MICAL2: variants seen among roughly 807,000 people sequenced by gnomAD.
MICAL2 encodes [F-actin]-monooxygenase MICAL2.
MICAL2 carries 77 observed loss-of-function variants against 127.3 expected under a neutral mutation model. That is an observed-to-expected ratio of 0.60 (90% CI 0.50 to 0.73). MICAL2 has a LOEUF of 0.73. MICAL2 is among the 30% of genes least tolerant of loss of function. The probability of loss-of-function intolerance (pLI) is 0.00; values close to 1 mark genes in which losing one functional copy is unlikely to be tolerated. For synonymous variants in MICAL2, 570 were observed against 551.1 expected (o/e 1.03, Z -0.48); for missense variants, 1,351 against 1,434.4 (o/e 0.94, Z 0.94).
Position 12,259,865 on chromosome 11 carries a change from C to T in MICAL2, c.3302C>T (p.Ala1101Val). 6.2e-7 allele frequency: 1 copy of T among 1,610,124 alleles called. No individual in the cohort carries two copies. Among genetic ancestry groups the T allele is most frequent in the Non-Finnish European group, 8.5e-7 (1 of 1,177,366 alleles). ...CCCACCGAAAGTTCTTGCGCAGTGG[C>T]CGCCATTGGCACCCTGGAAGGCAGC... ...DTPTESSCAVAAIGTLEGSPP... is the reference protein window; with the variant it reads ...DTPTESSCAVVAIGTLEGSPP... Residue 1101 changes from alanine to valine, a missense_variant, in exon 26 of 28, where the codon GCC becomes GTC. Around this residue, in one of 2 missense-constraint regions of MICAL2, gnomAD observed 752 missense variants for 719.4 expected, o/e 1.05. Coordinates refer to ENST00000683283, the MANE Select transcript of MICAL2 (RefSeq NM_001282663.2).
intron 3 of MICAL2, among the ~76,000 whole-genome samples, chr11:12,189,175 T>A (rs186361450): frequency 1.8e-3 from 280 of 152,312 alleles, no homozygotes; most frequent in Non-Finnish European, 2.7e-3. Flanking sequence ...ACCCCTCCTT[T>A]ACATTCCTGC....
At chr11:12,236,013 C>A (rs547823680) in intron 15 of MICAL2, among the ~76,000 whole-genome samples, 164 bp from the exon 16 acceptor site, 7 of 152,346 alleles carry the variant, frequency 4.6e-5, no homozygotes, top group African/African-American at 1.7e-4. Context: ...TGTCACAGTG[C>A]GGAGTCATTT....
At chr11:12,236,372 C>G (rs1859058565) in intron 16 of MICAL2, 127 bp downstream of exon 16, 1 of 822,930 alleles carries the variant, frequency 1.2e-6, no homozygotes, top group Admixed American at 2.2e-5. Context: ...GGGTTCCAAG[C>G]TTGGCGTGAT....
At chr11:12,241,204 G>A (rs771596667) in intron 18 of MICAL2, 42 bp downstream of exon 18, 4 of 1,591,812 alleles carry the variant, frequency 2.5e-6, no homozygotes, top group East Asian at 2.2e-5. Flanking sequence ...TGAAGCCAGA[G>A]GGGACTTTGA....
chr11:12,135,789 G>C (rs887715620), intron 1 of MICAL2, among the ~76,000 whole-genome samples: 2 of 152,148 alleles, frequency 1.3e-5, no homozygotes, highest in Admixed American at 6.5e-5. Context: ...CTCAGCACCT[G>C]AGTCTTTGTC....
At chr11:12,294,309 AG>A, downstream of MICAL2, 1 of 1,614,210 alleles carries the variant, frequency 6.2e-7, no homozygotes, top group Non-Finnish European at 8.5e-7. Context: ...GGCGGGAAGA[AG>A]GCCTGGGCCA....
chr11:12,321,961 A>T (rs1223040053), intron 30 of MICAL2, among the ~76,000 whole-genome samples: 1 of 152,010 alleles, frequency 6.6e-6, no homozygotes, highest in Non-Finnish European at 1.5e-5. Flanking sequence ...GGCACAAGGA[A>T]AGGCAGTATA....
At chr11:12,147,020 T>G in intron 2 of MICAL2, among the ~76,000 whole-genome samples, 2 of 150,062 alleles carry the variant, frequency 1.3e-5, no homozygotes, top group African/African-American at 2.5e-5. Flanking sequence ...TGAGAACACT[T>G]GGACACAGGA....
chr11:12,254,160 C>A (rs554786077), intron 22 of MICAL2: 1 of 152,324 alleles, frequency 6.6e-6, no homozygotes, highest in East Asian at 1.9e-4. Context: ...GCCTCAGGAA[C>A]CAGGGGGCAG....
intron 31 of MICAL2, among the ~76,000 whole-genome samples, chr11:12,324,681 C>T (rs777108721): frequency 1.3e-5 from 2 of 152,318 alleles, no homozygotes; most frequent in African/African-American, 4.8e-5. Flanking sequence ...TTAGGATACA[C>T]GGACTTAGAA....
intron 26 of MICAL2, chr11:12,260,117 C>G: frequency 6.5e-7 from 1 of 1,535,274 alleles, no homozygotes; most frequent in African/African-American, 1.4e-5. Flanking sequence ...TCTGAGGGCT[C>G]CCTCGAGAGC....
chr11:12,208,832 G>GT (rs1855065932), intron 5 of MICAL2, among the ~76,000 whole-genome samples: 1 of 152,170 alleles, frequency 6.6e-6, no homozygotes, highest in African/African-American at 2.4e-5. Flanking sequence ...AGACCTTGTG[G>GT]TTTCCTGCTT....
At chr11:12,113,107 A>T (rs1849729490) in intron 1 of MICAL2, among the ~76,000 whole-genome samples, 4 of 152,180 alleles carry the variant, frequency 2.6e-5, no homozygotes, top group Admixed American at 2.0e-4. Flanking sequence ...GAGGGCTAAC[A>T]GTCTCTATTC....
At chr11:12,143,610 G>A (rs1165897750) in intron 2 of MICAL2, among the ~76,000 whole-genome samples, 4 of 152,124 alleles carry the variant, frequency 2.6e-5, no homozygotes, top group Non-Finnish European at 5.9e-5. Flanking sequence ...GGGGTGGGAC[G>A]GGCCACACCA....
chr11:12,223,317 GCAGGCAC>G (rs1400071988), intron 11 of MICAL2, 87 bp from the exon 12 acceptor site: 1 of 1,063,520 alleles, frequency 9.4e-7, no homozygotes, highest in African/African-American at 1.6e-5. Flanking sequence ...GAAAATGGTG[GCAGGCAC>G]TGAATTGGGG....
At chr11:12,282,302 T>C (rs1863781071) in intron 2 of MICAL2, among the ~76,000 whole-genome samples, 1 of 152,062 alleles carries the variant, frequency 6.6e-6, no homozygotes, top group African/African-American at 2.4e-5. Context: ...AACTGAGTAC[T>C]CTCCTGTGCC....
rs371289975 is a variant in MICAL2 at position 12,333,524 on chromosome 11, C to T, written c.5515+6258C>T. Among the ~76,000 whole-genome samples the T allele has an allele frequency of 4.6e-5, 7 of 152,142 alleles. No individual in the cohort carries two copies. In the East Asian group the frequency reaches 7.7e-4, roughly 17 times the overall value. The stretch of plus-strand genomic sequence containing the variant: ...TCTATTTAACTTTGTGCAGGAGATC[C>T]CAACCAGTGTGGTAAGACAAGGCAG... On this transcript the variant is annotated intron_variant, in intron 32 of 34. Transcript: ENST00000646065.
chr11:12,230,714 T>C (rs868164442), intron 15 of MICAL2, among the ~76,000 whole-genome samples: 3,634 of 150,782 alleles, frequency 0.024, 147 homozygotes, highest in African/African-American at 0.082. Context: ...AATTCTTCTT[T>C]CCCCCCCCAT....
chr11:12,260,823 T>C (rs1013179393), intron 26 of MICAL2: 69 of 985,356 alleles, frequency 7.0e-5, no homozygotes, highest in Admixed American at 1.8e-4. Flanking sequence ...TGTTAAACAG[T>C]AGCTTAAAGG....
Sources: gnomAD v4.1 joint callset for allele counts (sites outside exome capture counted in the v4.1 genomes callset) on GRCh38, gnomAD v4.1.1 for gene constraint, gnomAD v4.1.1 regional missense constraint, MANE v1.5 for transcripts, NCBI Gene and HGNC (gene_info 2026-07-23, HGNC 2026-07-21) for gene names.